PARP11: variants seen among roughly 807,000 people sequenced by gnomAD.
The protein encoded by PARP11 is poly(ADP-ribose) polymerase family member 11.
A neutral mutation model predicts 42.9 loss-of-function variants in PARP11; 31 were observed. That is an observed-to-expected ratio of 0.72 (90% CI 0.54 to 0.98). The LOEUF (loss-of-function observed/expected upper bound fraction) is 0.98. Among genes scored for constraint, PARP11 ranks in the 50% least tolerant of loss-of-function variants. The probability of loss-of-function intolerance (pLI) is 0.00; values close to 1 mark genes in which losing one functional copy is unlikely to be tolerated. For synonymous variants in PARP11, 137 were observed against 127.3 expected (o/e 1.08, Z -0.51); for missense variants, 365 against 413.1 (o/e 0.88, Z 1.01).
intron 4 of PARP11, among the ~76,000 whole-genome samples, chr12:3,825,081 T>C (rs1429482436): frequency 6.6e-6 from 1 of 151,090 alleles, no homozygotes; most frequent in Non-Finnish European, 1.5e-5. Context: ...AAGGAGCAAA[T>C]AGGCATTCCC....
chr12:3,822,426 G>A (rs1377926530), intron 4 of PARP11, among the ~76,000 whole-genome samples: 5 of 144,002 alleles, frequency 3.5e-5, no homozygotes, highest in Admixed American at 7.3e-5. Flanking sequence ...GTGAAACCCC[G>A]TCTCTACTAA....
At chr12:3,846,334 C>G (rs985998192) in intron 1 of PARP11, among the ~76,000 whole-genome samples, 5 of 151,014 alleles carry the variant, frequency 3.3e-5, no homozygotes, top group African/African-American at 1.2e-4. Context: ...AAGGTGACAA[C>G]TGAGACCACA....
At chr12:3,869,801 G>A (rs191746460) in intron 1 of PARP11, among the ~76,000 whole-genome samples, 1 of 152,274 alleles carries the variant, frequency 6.6e-6, no homozygotes, top group Admixed American at 6.5e-5. Flanking sequence ...CTGCCTGCCT[G>A]CACCAGACTG....
chr12:3,856,315 C>T (rs184649513), intron 1 of PARP11, among the ~76,000 whole-genome samples: 15 of 152,214 alleles, frequency 9.9e-5, no homozygotes, highest in Admixed American at 9.8e-4. Flanking sequence ...AAGAAACTAC[C>T]ATCAGAGTGA....
At chr12:3,839,152 G>GGCC (rs1231336835) in intron 1 of PARP11, among the ~76,000 whole-genome samples, 3 of 149,266 alleles carry the variant, frequency 2.0e-5, no homozygotes, top group Admixed American at 6.7e-5. Flanking sequence ...CGCTGCCTCG[G>GGCC]GCCGCCGCCG....
chr12:3,816,232 C>T (rs1947285503), intron 6 of PARP11, among the ~76,000 whole-genome samples: 1 of 152,082 alleles, frequency 6.6e-6, no homozygotes, highest in South Asian at 2.1e-4. Flanking sequence ...CTTGTTTTTA[C>T]CCACTGTTTC....
chr12:3,872,853 G>A, intron 1 of PARP11: 1 of 970,812 alleles, frequency 1.0e-6, no homozygotes, highest in African/African-American at 1.8e-5. Flanking sequence ...TTTAACCCGG[G>A]AGACGGAGGT....
In PARP11 at chr12:3,808,990, T is replaced by C. The variant is rs985344033; in HGVS notation, c.*3133A>G. Reference sequence around the variant, plus strand: ...TGAAATGACACACTAATATAAAACTTTCCTGTTTATAACTAAAAGATTTAT... The same window carrying C: ...TGAAATGACACACTAATATAAAACTCTCCTGTTTATAACTAAAAGATTTAT... On this transcript the variant is annotated 3_prime_UTR_variant, in exon 8 of 8. Transcript: ENST00000228820. The C allele has an allele frequency of 1.3e-5, 2 of 151,400 alleles. No individual in the cohort carries two copies. The highest frequency in any genetic ancestry group is 4.0e-4 in the East Asian group (2 of 5,054). 9.4% of individuals were successfully genotyped at this position (151,400 alleles called of 1,614,324 possible). A position where few individuals can be genotyped will look rare whatever the true frequency, so the allele number is the denominator to read the frequency against.
chr12:3,839,020 G>A (rs951091003), intron 1 of PARP11, among the ~76,000 whole-genome samples: 2 of 152,106 alleles, frequency 1.3e-5, no homozygotes, highest in African/African-American at 4.8e-5. Context: ...ACTCACTCTC[G>A]GGGTTTTCCT....
At chr12:3,865,889 C>CTT (rs11376275) in intron 1 of PARP11, among the ~76,000 whole-genome samples, 109 of 139,692 alleles carry the variant, frequency 7.8e-4, no homozygotes, top group South Asian at 3.3e-3. Context: ...TTGTTATTTG[C>CTT]TTTTTTTTTT....
intron 4 of PARP11, among the ~76,000 whole-genome samples, chr12:3,825,199 T>A (rs1479116375): frequency 6.6e-6 from 1 of 152,148 alleles, no homozygotes; most frequent in Admixed American, 6.5e-5. Context: ...ATAGGAGACA[T>A]GCTTTAAGAT....
chr12:3,818,774 C>T (rs1483984433), intron 6 of PARP11, among the ~76,000 whole-genome samples: 1 of 152,162 alleles, frequency 6.6e-6, no homozygotes, highest in Non-Finnish European at 1.5e-5. Flanking sequence ...AGTATGTAAT[C>T]GTACAGATGG....
chr12:3,856,714 C>G (rs9668244), intron 1 of PARP11, among the ~76,000 whole-genome samples: 46,937 of 151,804 alleles, frequency 0.31, 8,178 homozygotes, highest in East Asian at 0.56. Context: ...ATGGAAGACA[C>G]TGTGGTGATT....
chr12:3,858,733 T>A (rs553193728), intron 1 of PARP11, among the ~76,000 whole-genome samples: 2 of 152,270 alleles, frequency 1.3e-5, no homozygotes, highest in South Asian at 4.1e-4. Flanking sequence ...TTAGTTATCC[T>A]GAACACATTA....
intron 1 of PARP11, chr12:3,872,531 A>C (rs754948304): frequency 1.6e-4 from 156 of 985,194 alleles, no homozygotes; most frequent in Non-Finnish European, 1.8e-4. Context: ...CCAAGGAAGA[A>C]GGCAGACTTG....
At chr12:3,846,987 G>A (rs1948015188) in intron 1 of PARP11, among the ~76,000 whole-genome samples, 1 of 150,558 alleles carries the variant, frequency 6.6e-6, no homozygotes, top group African/African-American at 2.4e-5. Context: ...TGAGGTGGGA[G>A]TATCACCTGA....
At chr12:3,864,313 A>G (rs1013107088) in intron 1 of PARP11, among the ~76,000 whole-genome samples, 5 of 152,152 alleles carry the variant, frequency 3.3e-5, no homozygotes, top group African/African-American at 9.7e-5. Flanking sequence ...ATCCTTTTAT[A>G]TATGTTAGAT....
At chr12:3,816,038 A>G (rs916763236) in intron 6 of PARP11, among the ~76,000 whole-genome samples, 12 of 152,244 alleles carry the variant, frequency 7.9e-5, no homozygotes, top group African/African-American at 2.9e-4. Context: ...TTTTCAGACC[A>G]TTAAGCATGA....
At chr12:3,844,886 T>C (rs999810255) in intron 1 of PARP11, among the ~76,000 whole-genome samples, 11 of 152,382 alleles carry the variant, frequency 7.2e-5, no homozygotes, top group African/African-American at 2.6e-4. Context: ...CCACGGGATT[T>C]TGCCTTATGC....
Sources: allele counts gnomAD v4.1 joint callset (sites outside exome capture counted in the v4.1 genomes callset), GRCh38; gene constraint gnomAD v4.1.1; transcripts MANE v1.5; gene names NCBI Gene and HGNC (gene_info 2026-07-23, HGNC 2026-07-21).